Variants in RGP1 observed in about 807,000 individuals in gnomAD.
RGP1 encodes RGP1 partner of RAB6A GEF complex.
In RGP1, 28 loss-of-function variants were observed where a neutral mutation model predicts 44.5. That is an observed-to-expected ratio of 0.63 (90% confidence interval 0.47 to 0.86). The LOEUF is 0.86. Among genes scored for constraint, RGP1 ranks in the 40% least tolerant of loss-of-function variants. RGP1 has a pLI of 0.00. For synonymous variants in RGP1, 212 were observed against 196.7 expected (o/e 1.08, Z -0.65); for missense variants, 417 against 490.7 (o/e 0.85, Z 1.42).
the RGP1 span, among the ~76,000 whole-genome samples, chr9:35,782,810 ATT>A: frequency 4.6e-5 from 6 of 129,086 alleles, no homozygotes; most frequent in Admixed American, 1.6e-4. Context: ...AAGTTACTTA[ATT>A]TTTTTTTTTT....
the RGP1 span, among the ~76,000 whole-genome samples, chr9:35,774,329 G>C: frequency 6.6e-6 from 1 of 152,222 alleles, no homozygotes; most frequent in Non-Finnish European, 1.5e-5. Flanking sequence ...CAGGCCTTTT[G>C]CTGGATGACC....
chr9:35,765,896 A>G, the RGP1 span, among the ~76,000 whole-genome samples: 4 of 147,020 alleles, frequency 2.7e-5, no homozygotes, highest in Non-Finnish European at 1.5e-5. Flanking sequence ...GTGCAGTGGC[A>G]TGATCTCGGC....
At position 35,754,137 on chromosome 9, in the gene RGP1, G is replaced by A; in HGVS notation, c.*1263G>A. On this transcript the variant is annotated 3_prime_UTR_variant, in exon 9 of 9. Transcript: ENST00000378078. ...GAGCATCCTTAGGGCCATTGCTGCT[G>A]CACAGCCCTCTCAGACCCTTCTTGG... is the stretch of plus-strand genomic sequence containing the variant. The A allele has an allele frequency of 6.2e-7, 1 of 1,610,460 alleles. No individual in the cohort carries two copies. Among genetic ancestry groups the A allele is most frequent in the Non-Finnish European group, 8.5e-7 (1 of 1,177,914 alleles).
the RGP1 span, among the ~76,000 whole-genome samples, chr9:35,782,097 G>C: frequency 7.1e-6 from 1 of 139,942 alleles, no homozygotes; most frequent in African/African-American, 2.6e-5. Flanking sequence ...AGGGATTCTT[G>C]TGCCTCAGCC....
At chr9:35,776,994 C>CAAA in the RGP1 span, among the ~76,000 whole-genome samples, 1 of 107,020 alleles carries the variant, frequency 9.3e-6, no homozygotes, top group Non-Finnish European at 2.0e-5. Context: ...GACTCTGTCT[C>CAAA]AAAAAAAAAA....
the RGP1 span, among the ~76,000 whole-genome samples, chr9:35,787,931 G>A: frequency 6.6e-6 from 1 of 152,216 alleles, no homozygotes; most frequent in African/African-American, 2.4e-5. Flanking sequence ...ATTTCTGCTA[G>A]TCAGGTCAGC....
At position 35,749,654 on chromosome 9, in the gene RGP1, C is replaced by G; in HGVS notation, c.-19-83C>G. 1 of 813,360 alleles carries G rather than the reference C, an allele frequency of 1.2e-6. No homozygotes were observed. The highest frequency in any genetic ancestry group is 2.1e-6 in the Non-Finnish European group (1 of 474,514). 50.4% of individuals were successfully genotyped at this position (813,360 alleles called of 1,614,324 possible). ...GCACCACGGTGCTGACCACCCCTGT[C>G]CTCAGCCCTCAGCCCTAGGTGCTCA... is the stretch of plus-strand genomic sequence containing the variant. On this transcript the variant is annotated intron_variant, in intron 1 of 8. Coordinates refer to ENST00000378078, the MANE Select transcript of RGP1 (RefSeq NM_001080496.3). This position sits in a 1 kb window ranked among gnomAD's most constrained non-coding sequence, Gnocchi z 4.4.
chr9:35,751,312 C>G lies in RGP1; in HGVS notation c.534C>G (p.Ser178=), dbSNP rs368466469. Residue 178 remains serine, a synonymous_variant, in exon 6 of 9, where the codon TCC becomes TCG. Coordinates refer to ENST00000378078, the MANE Select transcript of RGP1 (RefSeq NM_001080496.3). ...CCCAGGATGAGGCTGTAGCCCCATC[C>G]AGTCCATTCTTGGAGGAGGATGAAG... is the stretch of plus-strand genomic sequence containing the variant. ...RFPQDEAVAP[S]SPFLEEDEGG... is the part of the protein sequence containing the mutation. The G allele has an allele frequency of 1.0e-3, 1,670 of 1,613,896 alleles. 2 individuals carry two copies. Among genetic ancestry groups the G allele is most frequent in the Non-Finnish European group, 1.3e-3 (1,549 of 1,179,890 alleles).
At chr9:35,761,880 G>A (rs928265008), downstream of RGP1, among the ~76,000 whole-genome samples, 7 of 152,048 alleles carry the variant, frequency 4.6e-5, no homozygotes, top group African/African-American at 1.7e-4. Flanking sequence ...CTGACTGGGT[G>A]TGGTGGCTCA....
chr9:35,750,248 C>A lies in RGP1; in HGVS notation c.122C>A (p.Ala41Asp), dbSNP rs770402260. 1.1e-5 allele frequency: 17 copies of A among 1,613,390 alleles called. No homozygotes were observed. The highest frequency in any genetic ancestry group is 1.4e-5 in the Non-Finnish European group (17 of 1,179,758). The change falls in exon 3 of 9, where the codon GCC (alanine) becomes GAC (aspartate). Residue 41 changes from alanine to aspartate, a missense_variant. Ala to Asp is a moderately radical substitution (Grantham distance 126, BLOSUM62 -2). Transcript: ENST00000378078. The part of the protein sequence containing the change: ...PPTATSASSE[A>D]LAWASAQIHC... ...TCCTTTTCCTTTTCCCACAGTGAGGCCCTGGCCTGGGCCAGTGCCCAAATC... is the reference window on the plus strand; with the variant it reads ...TCCTTTTCCTTTTCCCACAGTGAGGACCTGGCCTGGGCCAGTGCCCAAATC...
At chr9:35,767,338 A>T in the RGP1 span, among the ~76,000 whole-genome samples, 23 of 145,748 alleles carry the variant, frequency 1.6e-4, no homozygotes, top group African/African-American at 5.3e-4. Context: ...CATTTAGAGA[A>T]CTCTTAGATC....
rs1588037259 is a variant in RGP1, at chr9:35,754,535, C to T, written c.*1661C>T. ...CCCAGGTGGTCCCCAGATCTCTTCC[C>T]TGACCTGGAGAGAAGGAAGCATTCC... On this transcript the variant is annotated 3_prime_UTR_variant, in exon 9 of 9. Transcript: ENST00000378078. 2 of 160,356 alleles carry T rather than the reference C, an allele frequency of 1.2e-5. 1 individual carries two copies. The highest frequency in any genetic ancestry group is 1.3e-4 in the Admixed American group (2 of 15,650). 9.9% of individuals were successfully genotyped at this position (160,356 alleles called of 1,614,324 possible).
chr9:35,769,965 C>T, the RGP1 span, among the ~76,000 whole-genome samples: 3 of 152,204 alleles, frequency 2.0e-5, no homozygotes, highest in African/African-American at 4.8e-5. Context: ...CACTGCCAAA[C>T]CTGGGGGCAG....
At position 35,749,460 on chromosome 9, in the gene RGP1, G is replaced by A; in HGVS notation, c.-20+52G>A. Reference sequence around the variant, plus strand: ...GGGACGTGGAACTTTGAGGAAAGGGGGAGCGGAGGCCAGTTTGGGAACTCC... The same window carrying A: ...GGGACGTGGAACTTTGAGGAAAGGGAGAGCGGAGGCCAGTTTGGGAACTCC... On this transcript the variant is annotated intron_variant, in intron 1 of 8. Coordinates refer to ENST00000378078, the MANE Select transcript of RGP1 (RefSeq NM_001080496.3). This position sits in a 1 kb window ranked among gnomAD's most constrained non-coding sequence, Gnocchi z 4.4. 1.6e-6 allele frequency: 1 copy of A among 622,570 alleles called. No homozygotes were observed. The highest frequency in any genetic ancestry group is 1.8e-5 in the African/African-American group (1 of 55,190). The allele number at this position is 622,570 out of a possible 1,614,324, so 38.6% of individuals were successfully genotyped here.
At chr9:35,779,010 T>C in the RGP1 span, among the ~76,000 whole-genome samples, 1 of 152,346 alleles carries the variant, frequency 6.6e-6, no homozygotes, top group African/African-American at 2.4e-5. Context: ...CCTTATTTCA[T>C]ATAACCTTCC....
At chr9:35,765,979 T>C in the RGP1 span, among the ~76,000 whole-genome samples, 1 of 151,352 alleles carries the variant, frequency 6.6e-6, no homozygotes, top group African/African-American at 2.4e-5. Context: ...GGACTACAGG[T>C]ACCCGTCCCC....
chr9:35,775,230 C>T, the RGP1 span, among the ~76,000 whole-genome samples: 7 of 152,118 alleles, frequency 4.6e-5, no homozygotes, highest in Non-Finnish European at 5.9e-5. Flanking sequence ...GCATTTAAAC[C>T]AGAGGGCATT....
At position 35,753,719 on chromosome 9, in the gene RGP1, G is replaced by A. The variant is rs755520107; in HGVS notation, c.*845G>A. The A allele has an allele frequency of 1.9e-6, 3 of 1,614,188 alleles. No homozygotes were observed. The South Asian group carries it at 3.3e-5, about 18-fold the overall frequency. On this transcript the variant is annotated 3_prime_UTR_variant, in exon 9 of 9. Coordinates refer to ENST00000378078, the MANE Select transcript of RGP1 (RefSeq NM_001080496.3). This position sits in a 1 kb window ranked among gnomAD's most constrained non-coding sequence, Gnocchi z 4.2. ...AGGTGCAATGGAAACAGTCCTTGCG[G>A]AGCCAAGACTCACCCAGGGTAAAAT...
the RGP1 span, among the ~76,000 whole-genome samples, chr9:35,775,385 G>A: frequency 1.3e-5 from 2 of 152,152 alleles, no homozygotes; most frequent in Non-Finnish European, 2.9e-5. Context: ...CAAGGGGCAG[G>A]GTAACTTAGA....
Sources: gnomAD v4.1 joint callset for allele counts (sites outside exome capture counted in the v4.1 genomes callset) on GRCh38, gnomAD v4.1.1 for gene constraint, Gnocchi (gnomAD v3.1) non-coding constraint, MANE v1.5 for transcripts, NCBI Gene and HGNC (gene_info 2026-07-23, HGNC 2026-07-21) for gene names.